The following TPPP2 variants were observed in gnomAD, a reference collection of about 807,000 sequenced individuals.
TPPP2 encodes tubulin polymerization-promoting protein family member 2.
TPPP2 carries 8 observed loss-of-function variants against 13.0 expected under a neutral mutation model. The ratio of observed to expected loss-of-function variants is 0.62; its 90% CI spans 0.36 to 1.11. The LOEUF is 1.11. Among genes scored for constraint, TPPP2 ranks in the 50% most tolerant of loss-of-function variants. The probability of loss-of-function intolerance (pLI) is 0.02; values close to 1 mark genes in which losing one functional copy is unlikely to be tolerated. For synonymous variants in TPPP2, 81 were observed against 81.8 expected (o/e 0.99, Z 0.05); for missense variants, 213 against 216.9 (o/e 0.98, Z 0.11).
At chr14:21,034,311 G>A, downstream of TPPP2, 2 of 1,579,612 alleles carry the variant, frequency 1.3e-6, no homozygotes, top group Non-Finnish European at 1.7e-6. Context: ...TAGAGTTAAG[G>A]TGGTTGGGGG....
chr14:21,028,525 T>C (rs1186640460), upstream of TPPP2: 1 of 152,160 alleles, frequency 6.6e-6, no homozygotes, highest in African/African-American at 2.4e-5. Flanking sequence ...AAGAATAATG[T>C]TGATGAGAGG....
chr14:21,030,358 C>G, intron 1 of TPPP2, 54 bp downstream of exon 1: 1 of 553,012 alleles, frequency 1.8e-6, no homozygotes, highest in Middle Eastern at 4.8e-4. Context: ...AGGATCCACA[C>G]TGGTATCTCC....
upstream of TPPP2, among the ~76,000 whole-genome samples, chr14:21,029,884 G>A (rs1883944427): frequency 6.6e-6 from 1 of 152,174 alleles, no homozygotes; most frequent in Non-Finnish European, 1.5e-5. Flanking sequence ...AGAAATAAAT[G>A]TCTGTTGTTT....
chr14:21,034,178 A>G, downstream of TPPP2: 3 of 1,613,996 alleles, frequency 1.9e-6, no homozygotes, highest in Non-Finnish European at 2.5e-6. Context: ...TGGGATAGTC[A>G]ATGCTTAAGG....
chr14:21,032,697 G>A lies in TPPP2; in HGVS notation c.*620G>A. The A allele has an allele frequency of 2.8e-6, 1 of 354,754 alleles. No individual in the cohort carries two copies. The highest frequency in any genetic ancestry group is 2.1e-5 in the South Asian group (1 of 46,828). The allele number at this position is 354,754 out of a possible 1,614,324, so 22.0% of individuals were successfully genotyped here. ...CCATCATGGGGCACATGGGACAGAA[G>A]AGCTTACTGACTGCTAAGGGTAGCT... On this transcript the variant is annotated 3_prime_UTR_variant, in exon 4 of 4. Transcript: ENST00000321760.
At chr14:21,033,623 G>C (rs1884399574), downstream of TPPP2, 1 of 602,090 alleles carries the variant, frequency 1.7e-6, no homozygotes, top group Non-Finnish European at 3.0e-6. Flanking sequence ...GGGTAAACAA[G>C]CTGGAAAGAA....
chr14:21,034,310 G>A, downstream of TPPP2: 1 of 1,579,480 alleles, frequency 6.3e-7, no homozygotes, highest in African/African-American at 1.3e-5. Context: ...GTAGAGTTAA[G>A]GTGGTTGGGG....
At chr14:21,029,575 C>T (rs1883922220), upstream of TPPP2, among the ~76,000 whole-genome samples, 1 of 152,134 alleles carries the variant, frequency 6.6e-6, no homozygotes, top group Non-Finnish European at 1.5e-5. Flanking sequence ...TCAGCCTGGG[C>T]AACAGACAGC....
downstream of TPPP2, among the ~76,000 whole-genome samples, chr14:21,035,368 G>A (rs1263374132): frequency 1.3e-5 from 2 of 152,220 alleles, no homozygotes; most frequent in Admixed American, 6.5e-5. Flanking sequence ...GTTTCGTACT[G>A]TTGGTTGATC....
At position 21,031,959 on chromosome 14, in the gene TPPP2, A is replaced by C. The variant is rs1389906730; in HGVS notation, c.395A>C (p.Glu132Ala). ...DTSKYTGTHK[E>A]RFDESGKGKG... Reference sequence around the variant, plus strand: ...AGCAAGTACACCGGCACCCACAAGGAGCGCTTTGATGAGAGTGGCAAGGGC... The same window carrying C: ...AGCAAGTACACCGGCACCCACAAGGCGCGCTTTGATGAGAGTGGCAAGGGC... Residue 132 changes from glutamate to alanine, a missense_variant, in exon 4 of 4, where the codon GAG (glutamate) becomes GCG (alanine). Transcript: ENST00000321760. 3 of 1,614,174 alleles carry C rather than the reference A, an allele frequency of 1.9e-6. No homozygotes were observed. The highest frequency in any genetic ancestry group is 2.5e-6 in the Non-Finnish European group (3 of 1,180,028).
At chr14:21,024,470 G>A (rs973299372) in intron 1 of TPPP2, 2 of 964,810 alleles carry the variant, frequency 2.1e-6, no homozygotes, top group Non-Finnish European at 2.5e-6. Context: ...ACTAAACGCG[G>A]GGGAATAGGG....
rs1297414706 is a variant in TPPP2 at position 21,032,187 on chromosome 14, G to A, written c.*110G>A. 2 of 1,158,710 alleles carry A rather than the reference G, an allele frequency of 1.7e-6. No individual in the cohort carries two copies. Among genetic ancestry groups the A allele is most frequent in the African/African-American group, 3.0e-5 (2 of 65,778 alleles). The allele number at this position is 1,158,710 out of a possible 1,614,324, so 71.8% of individuals were successfully genotyped here. On this transcript the variant is annotated 3_prime_UTR_variant, in exon 4 of 4. Coordinates refer to ENST00000321760, the MANE Select transcript of TPPP2 (RefSeq NM_173846.5). ...TGCAGCAGCCAAAATCTCTGTCTGT[G>A]AGGGACAGATGAGCCTACTAGTGTA...
chr14:21,024,826 C>T, intron 1 of TPPP2: 8 of 985,778 alleles, frequency 8.1e-6, no homozygotes, highest in Non-Finnish European at 9.6e-6. Flanking sequence ...CGCCCCGGAC[C>T]TTGCACACAA....
downstream of TPPP2, chr14:21,034,844 A>G (rs559991074): frequency 6.5e-6 from 1 of 153,442 alleles, no homozygotes; most frequent in East Asian, 1.9e-4. Flanking sequence ...AGAGGGTTGG[A>G]TGGGTGGGAG....
rs937075945 is a variant in TPPP2 at position 21,025,004 on chromosome 14, G to A, written n.236+660G>A. ...CGGCTGGCGCCTTCCAGGCCCTACG[G>A]CCCCTCGCCTGCCCCTCCCCCTACC... is the stretch of plus-strand genomic sequence containing the variant. On this transcript the variant is annotated intron_variant and non_coding_transcript_variant, in intron 1 of 1. Transcript: ENST00000533755. The surrounding 1 kb of genome is among the most constrained non-coding windows in gnomAD (Gnocchi z 5.1). The A allele has an allele frequency of 1.0e-6, 1 of 985,882 alleles. No homozygotes were observed. The highest frequency in any genetic ancestry group is 1.2e-6 in the Non-Finnish European group (1 of 830,362). 61.1% of individuals were successfully genotyped at this position (985,882 alleles called of 1,614,324 possible). A position where few individuals can be genotyped will look rare whatever the true frequency, so the allele number is the denominator to read the frequency against.
chr14:21,024,726 G>T (rs1882836303), intron 1 of TPPP2: 1 of 985,318 alleles, frequency 1.0e-6, no homozygotes, highest in Admixed American at 6.1e-5. Context: ...AGAGGAGACC[G>T]GCCGGGCCCA....
Position 21,025,039 on chromosome 14 carries a change from C to A in TPPP2, n.236+695C>A. 1 of 986,076 alleles carries A rather than the reference C, an allele frequency of 1.0e-6. No individual in the cohort carries two copies. The highest frequency in any genetic ancestry group is 4.7e-5 in the South Asian group (1 of 21,320). 61.1% of individuals were successfully genotyped at this position (986,076 alleles called of 1,614,324 possible). Reference sequence around the variant, plus strand: ...TGCCCCTCCCCCTACCTGCTGCCGCCGCGGCCGCTTCCACCTTCACTTGCC... The same window carrying A: ...TGCCCCTCCCCCTACCTGCTGCCGCAGCGGCCGCTTCCACCTTCACTTGCC... On this transcript the variant is annotated intron_variant and non_coding_transcript_variant, in intron 1 of 1. Coordinates refer to the TPPP2 transcript ENST00000533755. This position sits in a 1 kb window ranked among gnomAD's most constrained non-coding sequence, Gnocchi z 5.1.
chr14:21,031,941 A>T lies in TPPP2; in HGVS notation c.377A>T (p.Tyr126Phe). Residue 126 changes from tyrosine to phenylalanine, a missense_variant, in exon 4 of 4, where the codon TAC (tyrosine) becomes TTC (phenylalanine). Physicochemically the swap from Tyr to Phe is conservative, Grantham distance 22 (BLOSUM62 3). Transcript: ENST00000321760. Reference protein sequence around the residue: ...AVDRLTDTSKYTGTHKERFDE... With the variant: ...AVDRLTDTSKFTGTHKERFDE... ...GACCGTTTGACAGACACCAGCAAGT[A>T]CACCGGCACCCACAAGGAGCGCTTT... is the stretch of plus-strand genomic sequence containing the variant. The T allele has an allele frequency of 6.2e-7, 1 of 1,614,190 alleles. No individual in the cohort carries two copies. The highest frequency in any genetic ancestry group is 8.5e-7 in the Non-Finnish European group (1 of 1,180,024).
chr14:21,033,661 T>C (rs142126624), downstream of TPPP2: 126 of 637,312 alleles, frequency 2.0e-4, 1 homozygote, highest in African/African-American at 2.1e-3. Flanking sequence ...CTTTGCATGG[T>C]GATCAAAGCC....
Sources: allele counts gnomAD v4.1 joint callset (sites outside exome capture counted in the v4.1 genomes callset), GRCh38; gene constraint gnomAD v4.1.1; non-coding constraint Gnocchi (gnomAD v3.1); transcripts MANE v1.5; gene names NCBI Gene and HGNC (gene_info 2026-07-23, HGNC 2026-07-21).